Variants in ADGRL3 observed in about 807,000 individuals in gnomAD.
ADGRL3 encodes the protein calcium-independent alpha-latrotoxin receptor 3.
In ADGRL3, 62 loss-of-function variants were observed where a neutral mutation model predicts 153.5. That is an observed-to-expected ratio of 0.40 (90% CI 0.33 to 0.50). The LOEUF (loss-of-function observed/expected upper bound fraction) is 0.50, where lower values mean the gene tolerates loss of function less well. ADGRL3 is among the 20% of genes least tolerant of loss of function. ADGRL3 has a pLI of 0.47. For synonymous variants in ADGRL3, 710 were observed against 672.5 expected (o/e 1.06, Z -0.86); for missense variants, 1,641 against 1,859.4 (o/e 0.88, Z 2.16).
At position 61,476,962 on chromosome 4, in the gene ADGRL3, A is replaced by C. The variant is rs559846840; in HGVS notation, c.-173-20159A>C. ...TATTTATTAATAAAATTATTTATTT[A>C]TGTAGTTAGTTATTTTGTTCAGTTC... On this transcript the variant is annotated intron_variant, in intron 2 of 26. Transcript: ENST00000683033. Among the ~76,000 whole-genome samples, 44 of 151,884 alleles carry C rather than the reference A, an allele frequency of 2.9e-4. No individual in the cohort carries two copies. The East Asian group carries it at 8.3e-3, about 29-fold the overall frequency.
At chr4:61,344,880 A>G (rs1301638657) in intron 1 of ADGRL3, among the ~76,000 whole-genome samples, 2 of 151,484 alleles carry the variant, frequency 1.3e-5, no homozygotes, top group East Asian at 1.9e-4. Flanking sequence ...TCCGCCTCCC[A>G]GGTTCAAGCG....
At chr4:61,366,011 G>A (rs1217600408) in intron 1 of ADGRL3, among the ~76,000 whole-genome samples, 2 of 152,064 alleles carry the variant, frequency 1.3e-5, no homozygotes, top group African/African-American at 4.8e-5. Context: ...CTGAACTAGA[G>A]TTTACAACTT....
At chr4:61,705,219 G>A (rs2095836854) in intron 6 of ADGRL3, among the ~76,000 whole-genome samples, 1 of 152,018 alleles carries the variant, frequency 6.6e-6, no homozygotes. Flanking sequence ...TAGATAATAA[G>A]ACTTGAACAT....
At chr4:61,926,007 A>G (rs1027023850) in intron 13 of ADGRL3, among the ~76,000 whole-genome samples, 10 of 152,172 alleles carry the variant, frequency 6.6e-5, no homozygotes, top group African/African-American at 2.4e-4. Flanking sequence ...AGCATGTTAC[A>G]CACCTAGGCT....
intron 1 of ADGRL3, among the ~76,000 whole-genome samples, chr4:61,218,517 C>T (rs572139094): frequency 4.0e-5 from 6 of 151,818 alleles, no homozygotes; most frequent in East Asian, 1.9e-4. Flanking sequence ...TAAGTAGAGA[C>T]GAGATCTTGC....
At chr4:61,677,048 A>G (rs1158944984) in intron 6 of ADGRL3, 113 bp downstream of exon 6, 5 of 744,342 alleles carry the variant, frequency 6.7e-6, no homozygotes, top group Non-Finnish European at 1.1e-5. Context: ...AAATGAAAAA[A>G]TTGGCTAATA....
chr4:61,702,616 A>C (rs1430967171), intron 6 of ADGRL3, among the ~76,000 whole-genome samples: 1 of 152,100 alleles, frequency 6.6e-6, no homozygotes, highest in Non-Finnish European at 1.5e-5. Flanking sequence ...TGATTTCTGC[A>C]AGGGAATAAT....
intron 4 of ADGRL3, among the ~76,000 whole-genome samples, chr4:61,534,755 C>T (rs547773651): frequency 6.6e-6 from 1 of 151,986 alleles, no homozygotes; most frequent in Non-Finnish European, 1.5e-5. Flanking sequence ...GAATTGTTGG[C>T]ATATAGGTAT....
At chr4:61,483,199 A>G (rs1246577651) in intron 2 of ADGRL3, among the ~76,000 whole-genome samples, 1 of 152,160 alleles carries the variant, frequency 6.6e-6, no homozygotes, top group Non-Finnish European at 1.5e-5. Flanking sequence ...TTAATTAAAG[A>G]TACTGTATTT....
At chr4:61,642,008 G>A (rs1158634704) in intron 5 of ADGRL3, among the ~76,000 whole-genome samples, 2 of 150,742 alleles carry the variant, frequency 1.3e-5, no homozygotes, top group South Asian at 2.1e-4. Context: ...ATCTCATTGT[G>A]GTTTTGATTT....
At chr4:61,465,805 T>C (rs2097875041) in intron 2 of ADGRL3, among the ~76,000 whole-genome samples, 1 of 137,238 alleles carries the variant, frequency 7.3e-6, no homozygotes. Flanking sequence ...ATTTTCGTTA[T>C]ATAATCATAA....
At chr4:61,261,340 T>C (rs1025016789) in intron 1 of ADGRL3, among the ~76,000 whole-genome samples, 2 of 152,052 alleles carry the variant, frequency 1.3e-5, no homozygotes, top group Non-Finnish European at 2.9e-5. Flanking sequence ...CCCTCCTGTA[T>C]ACTTTAAATC....
At chr4:61,577,844 CA>C (rs2098898743) in intron 4 of ADGRL3, among the ~76,000 whole-genome samples, 1 of 150,636 alleles carries the variant, frequency 6.6e-6, no homozygotes, top group Admixed American at 6.6e-5. Context: ...GGGTAATGAC[CA>C]AATTTGACAA....
intron 8 of ADGRL3, among the ~76,000 whole-genome samples, chr4:61,752,434 G>A (rs183780982): frequency 2.0e-5 from 3 of 152,240 alleles, no homozygotes; most frequent in Non-Finnish European, 4.4e-5. Flanking sequence ...GGACAAAGGG[G>A]TATGAGTTAA....
At chr4:61,383,556 C>T (rs2096698691) in intron 2 of ADGRL3, among the ~76,000 whole-genome samples, 1 of 151,456 alleles carries the variant, frequency 6.6e-6, no homozygotes, top group South Asian at 2.1e-4. Flanking sequence ...GTAGAATAAC[C>T]ATATTGAGTT....
intron 1 of ADGRL3, among the ~76,000 whole-genome samples, chr4:61,236,793 G>T (rs913126931): frequency 1.8e-4 from 27 of 151,962 alleles, no homozygotes; most frequent in African/African-American, 6.5e-4. Context: ...TTCTTAATTC[G>T]ATAAAGCGAA....
intron 1 of ADGRL3, among the ~76,000 whole-genome samples, chr4:61,345,160 A>G (rs560500068): frequency 1.8e-4 from 28 of 152,092 alleles, no homozygotes; most frequent in Non-Finnish European, 2.9e-4. Context: ...ATGTTAGTAT[A>G]TTAAAGATCC....
At chr4:61,527,766 T>C (rs1048881152) in intron 4 of ADGRL3, among the ~76,000 whole-genome samples, 1 of 152,170 alleles carries the variant, frequency 6.6e-6, no homozygotes, top group African/African-American at 2.4e-5. Context: ...ATTAACAAGA[T>C]TGTGGCGTAG....
chr4:61,752,612 C>T (rs959884984), intron 8 of ADGRL3, among the ~76,000 whole-genome samples: 1 of 152,070 alleles, frequency 6.6e-6, no homozygotes, highest in Non-Finnish European at 1.5e-5. Context: ...TTTTCCTGCA[C>T]TAGTGGTTTC....
Sources: gnomAD v4.1 joint callset for allele counts (sites outside exome capture counted in the v4.1 genomes callset) on GRCh38, gnomAD v4.1.1 for gene constraint, MANE v1.5 for transcripts, NCBI Gene and HGNC (gene_info 2026-07-23, HGNC 2026-07-21) for gene names.